KRABD5: variants seen among roughly 807,000 people sequenced by gnomAD.
KRABD5 encodes KRAB domain containing 5.
At chr16:31,719,692 C>T in the KRABD5 span, among the ~76,000 whole-genome samples, 125 of 152,338 alleles carry the variant, frequency 8.2e-4, 1 homozygote, top group African/African-American at 3.0e-3. Flanking sequence ...TGAGTGGTTG[C>T]TCTTGCTGGT....
At chr16:31,742,263 G>C in the KRABD5 span, among the ~76,000 whole-genome samples, 1 of 150,330 alleles carries the variant, frequency 6.7e-6, no homozygotes, top group Non-Finnish European at 1.5e-5. Flanking sequence ...TGTGTGCCAT[G>C]GTGGTTTGCT....
At chr16:31,759,562 A>T in the KRABD5 span, 1 of 775,048 alleles carries the variant, frequency 1.3e-6, no homozygotes, top group Non-Finnish European at 2.2e-6. Flanking sequence ...AATCTTAAAA[A>T]AATTAAATGG....
chr16:31,739,897 A>G, the KRABD5 span, among the ~76,000 whole-genome samples: 1 of 152,268 alleles, frequency 6.6e-6, no homozygotes, highest in Non-Finnish European at 1.5e-5. Context: ...AAACAGTAGC[A>G]TGAGCCATCT....
At chr16:31,749,028 G>C in the KRABD5 span, among the ~76,000 whole-genome samples, 3 of 152,168 alleles carry the variant, frequency 2.0e-5, no homozygotes, top group East Asian at 1.9e-4. Flanking sequence ...CACTTGTCTG[G>C]GCTGCCTGGA....
chr16:31,758,404 G>C, the KRABD5 span: 3 of 151,662 alleles, frequency 2.0e-5, no homozygotes, highest in East Asian at 5.8e-4. Flanking sequence ...ATCAACACTA[G>C]AACATCACAG....
the KRABD5 span, among the ~76,000 whole-genome samples, chr16:31,724,483 T>G: frequency 2.2e-4 from 34 of 151,614 alleles, no homozygotes; most frequent in African/African-American, 3.6e-4. Context: ...GTCAGGAGAT[T>G]GAGACCATCC....
chr16:31,719,010 G>A, the KRABD5 span, among the ~76,000 whole-genome samples: 8 of 152,308 alleles, frequency 5.3e-5, no homozygotes, highest in East Asian at 1.2e-3. Context: ...TTTCTAATAC[G>A]TGGACGAAGA....
chr16:31,757,629 A>G, the KRABD5 span: 1 of 152,330 alleles, frequency 6.6e-6, no homozygotes, highest in South Asian at 2.1e-4. Flanking sequence ...ATTTTCCTAC[A>G]AGGATATGCA....
chr16:31,721,617 T>A, the KRABD5 span, among the ~76,000 whole-genome samples: 1 of 152,158 alleles, frequency 6.6e-6, no homozygotes, highest in African/African-American at 2.4e-5. Context: ...CTCATATAGA[T>A]TTTTGTGGTT....
the KRABD5 span, among the ~76,000 whole-genome samples, chr16:31,741,871 C>A: frequency 1.3e-5 from 2 of 152,220 alleles, no homozygotes. Flanking sequence ...TTGCCAAAGT[C>A]AATGTCTAGA....
At chr16:31,720,842 C>T in the KRABD5 span, among the ~76,000 whole-genome samples, 1 of 152,126 alleles carries the variant, frequency 6.6e-6, no homozygotes, top group African/African-American at 2.4e-5. Flanking sequence ...TCTTTAGTTT[C>T]CCTTTGCTTG....
chr16:31,745,990 CT>C, the KRABD5 span, among the ~76,000 whole-genome samples: 1 of 151,792 alleles, frequency 6.6e-6, no homozygotes, highest in East Asian at 1.9e-4. Flanking sequence ...TCCTTTATCC[CT>C]TTATTTAGAG....
chr16:31,754,670 C>G, the KRABD5 span: 1 of 459,130 alleles, frequency 2.2e-6, no homozygotes, highest in South Asian at 1.5e-5. Context: ...GTCATCAAAA[C>G]ATACTCAGCC....
chr16:31,743,704 A>G, the KRABD5 span, among the ~76,000 whole-genome samples: 1 of 152,298 alleles, frequency 6.6e-6, no homozygotes, highest in East Asian at 1.9e-4. Context: ...TCTATAAATT[A>G]CTTTGGGCAG....
At chr16:31,731,684 G>A in the KRABD5 span, among the ~76,000 whole-genome samples, 129 of 152,302 alleles carry the variant, frequency 8.5e-4, no homozygotes, top group Middle Eastern at 3.4e-3. Context: ...AACTTACAGG[G>A]CTACTTTAAG....
At chr16:31,719,561 C>T in the KRABD5 span, among the ~76,000 whole-genome samples, 4 of 152,180 alleles carry the variant, frequency 2.6e-5, no homozygotes, top group Admixed American at 1.3e-4. Flanking sequence ...GGGCCTGACC[C>T]GTGTCCCTAG....
chr16:31,719,685 G>A, the KRABD5 span, among the ~76,000 whole-genome samples: 1 of 152,218 alleles, frequency 6.6e-6, no homozygotes, highest in African/African-American at 2.4e-5. Context: ...AGACTTCTGA[G>A]TGGTTGCTCT....
At chr16:31,755,518 G>C in the KRABD5 span, 1 of 460,924 alleles carries the variant, frequency 2.2e-6, no homozygotes. Context: ...GTCTTTCTGT[G>C]CATCAGATAA....
At chr16:31,755,170 G>T in the KRABD5 span, 1 of 479,112 alleles carries the variant, frequency 2.1e-6, no homozygotes, top group Non-Finnish European at 4.2e-6. Context: ...ACTGTAGGTC[G>T]TACCTAACTA....
Sources: allele counts gnomAD v4.1 joint callset (sites outside exome capture counted in the v4.1 genomes callset), GRCh38; gene constraint gnomAD v4.1.1; transcripts MANE v1.5; gene names NCBI Gene and HGNC (gene_info 2026-07-23, HGNC 2026-07-21).